Variants in UBR7 observed in about 807,000 individuals in gnomAD.
The protein encoded by UBR7 is ubiquitin protein ligase E3 component n-recognin 7.
In UBR7, 22 loss-of-function variants were observed where a neutral mutation model predicts 57.0. The ratio of observed to expected loss-of-function variants is 0.39; its 90% confidence interval spans 0.28 to 0.55. The LOEUF is 0.55. UBR7 is among the 20% of genes least tolerant of loss of function. The probability of loss-of-function intolerance (pLI) is 0.69; values close to 1 mark genes in which losing one functional copy is unlikely to be tolerated. For missense variants in UBR7, 395 were observed against 513.2 expected (o/e 0.77, Z 2.23); for synonymous variants, 167 against 179.8 (o/e 0.93, Z 0.57).
intron 4 of UBR7, among the ~76,000 whole-genome samples, chr14:93,212,726 C>G (rs976648988): frequency 9.2e-5 from 14 of 152,182 alleles, no homozygotes; most frequent in African/African-American, 3.1e-4. Context: ...ACCAGTATAT[C>G]ATAGACATTC....
At chr14:93,224,656 C>T (rs913910479) in intron 10 of UBR7, among the ~76,000 whole-genome samples, 13 of 152,206 alleles carry the variant, frequency 8.5e-5, no homozygotes, top group Admixed American at 3.3e-4. Flanking sequence ...GGATTACAGG[C>T]ATGAGCCACC....
rs1385502023 is a variant in UBR7, at chr14:93,222,216, CATT to C, written c.1124-92_1124-90del. On this transcript the variant is annotated intron_variant, in intron 9 of 10. Transcript: ENST00000013070. ...CTTAAGAAAATTTTTATTTAGACTA[CATT>C]ATTAACAGACTCAGGTGTCAATGGC... 44 of 831,770 alleles carry C rather than the reference CATT, an allele frequency of 5.3e-5. 1 individual carries two copies. The highest frequency in any genetic ancestry group is 4.0e-4 in the South Asian group (28 of 70,064). The allele number at this position is 831,770 out of a possible 1,614,324, so 51.5% of individuals were successfully genotyped here.
At chr14:93,215,874 A>G (rs1894580875) in intron 6 of UBR7, among the ~76,000 whole-genome samples, 2 of 152,152 alleles carry the variant, frequency 1.3e-5, no homozygotes, top group Admixed American at 6.6e-5. Flanking sequence ...TAGAACTGAA[A>G]TAAGTTGTTA....
At position 93,227,045 on chromosome 14, in the gene UBR7, T is replaced by G; in HGVS notation, c.*10T>G. 2 of 1,591,282 alleles carry G rather than the reference T, an allele frequency of 1.3e-6. No individual in the cohort carries two copies. Among genetic ancestry groups the G allele is most frequent in the South Asian group, 2.2e-5 (2 of 90,462 alleles). On this transcript the variant is annotated 3_prime_UTR_variant, in exon 11 of 11. Coordinates refer to ENST00000013070, the MANE Select transcript of UBR7 (RefSeq NM_175748.4). ...GTATTACTGCAGCTAGAGTGGAGTA[T>G]GAAGCTTTCTCATTCAAGCCAATGA... is the stretch of plus-strand genomic sequence containing the variant.
chr14:93,227,190 G>A lies in UBR7; in HGVS notation c.*155G>A, dbSNP rs1004174878. On this transcript the variant is annotated 3_prime_UTR_variant, in exon 11 of 11. Coordinates refer to ENST00000013070, the MANE Select transcript of UBR7 (RefSeq NM_175748.4). Reference sequence around the variant, plus strand: ...ATTCTCTTTAGCTGCAGTAGCCACCGTGTGGATGCTGACTTCACAGCCAGC... The same window carrying A: ...ATTCTCTTTAGCTGCAGTAGCCACCATGTGGATGCTGACTTCACAGCCAGC... 28 of 650,174 alleles carry A rather than the reference G, an allele frequency of 4.3e-5. No individual in the cohort carries two copies. Among genetic ancestry groups the A allele is most frequent in the East Asian group, 1.9e-4 (6 of 31,852 alleles). 40.3% of individuals were successfully genotyped at this position (650,174 alleles called of 1,614,324 possible). A position where few individuals can be genotyped will look rare whatever the true frequency, so the allele number is the denominator to read the frequency against.
In UBR7 at chr14:93,207,372, C is replaced by G; in HGVS notation, c.81C>G (p.Asp27Glu). 1.3e-6 allele frequency: 2 copies of G among 1,556,462 alleles called. No individual in the cohort carries two copies. The highest frequency in any genetic ancestry group is 1.2e-5 in the South Asian group (1 of 84,064). Reference sequence around the variant, plus strand: ...CGTTGGTCGACGTCCTTGAGGAGGACGAGGAGCTGGAGAATGAGGCGTGCG... The same window carrying G: ...CGTTGGTCGACGTCCTTGAGGAGGAGGAGGAGCTGGAGAATGAGGCGTGCG... ...VVSLVDVLEE[D>E]EELENEACAV... Residue 27 changes from aspartate (D) to glutamate (E), a missense_variant, in exon 1 of 11, where the codon GAC becomes GAG. Asp to Glu is a conservative substitution (Grantham distance 45, BLOSUM62 2). Transcript: ENST00000013070.
At chr14:93,225,962 C>T (rs575676276) in intron 10 of UBR7, among the ~76,000 whole-genome samples, 12 of 152,272 alleles carry the variant, frequency 7.9e-5, no homozygotes, top group African/African-American at 2.2e-4. Flanking sequence ...TGTAAATTCC[C>T]GTGCCATTTA....
In UBR7 at chr14:93,218,538, T is replaced by C. The variant is rs200300034; in HGVS notation, c.613T>C (p.Ser205Pro). The change falls in exon 7 of 11, where the codon TCC (serine) becomes CCC (proline). Residue 205 changes from serine (S) to proline (P), a missense_variant. Ser to Pro is a moderately conservative substitution (Grantham distance 74). Coordinates refer to ENST00000013070, the MANE Select transcript of UBR7 (RefSeq NM_175748.4). ...YAAQLAVTKI[S>P]TEDDGLVRNI... ...CTTTGAACTCACAGTAACCAAAATA[T>C]CCACTGAGGATGATGGATTGGTGCG... The C allele has an allele frequency of 6.8e-6, 11 of 1,613,982 alleles. No homozygotes were observed. The highest frequency in any genetic ancestry group is 8.5e-6 in the Non-Finnish European group (10 of 1,180,032).
At chr14:93,221,726 A>C (rs1051075320) in intron 9 of UBR7, among the ~76,000 whole-genome samples, 5 of 151,882 alleles carry the variant, frequency 3.3e-5, no homozygotes, top group Non-Finnish European at 5.9e-5. Flanking sequence ...TCACGCCTGT[A>C]ATCCCAGCAC....
At chr14:93,226,910 T>C (rs779517698) in intron 10 of UBR7, 33 bp from the exon 11 acceptor site, 9 of 1,518,764 alleles carry the variant, frequency 5.9e-6, no homozygotes, top group Non-Finnish European at 8.2e-6. Context: ...TGTTACTTAG[T>C]TCTCTTTCAT....
intron 10 of UBR7, 78 bp downstream of exon 10, chr14:93,222,452 T>G: frequency 1.8e-6 from 2 of 1,121,784 alleles, no homozygotes; most frequent in Non-Finnish European, 2.7e-6. Flanking sequence ...CGATTAAAAA[T>G]GACTGCGACT....
At chr14:93,211,736 C>G (rs1053212510) in intron 3 of UBR7, among the ~76,000 whole-genome samples, 6 of 151,810 alleles carry the variant, frequency 4.0e-5, no homozygotes, top group African/African-American at 1.5e-4. Context: ...AATATCAGTT[C>G]ACATAGATTG....
At chr14:93,223,577 A>G (rs1894759668) in intron 10 of UBR7, 1 of 860,114 alleles carries the variant, frequency 1.2e-6, no homozygotes, top group East Asian at 2.6e-5. Context: ...TTTGGGGCAC[A>G]CCCGGGCGAG....
intron 1 of UBR7, among the ~76,000 whole-genome samples, chr14:93,208,791 C>G (rs1395748842): frequency 6.6e-6 from 1 of 152,014 alleles, no homozygotes; most frequent in Admixed American, 6.6e-5. Flanking sequence ...ACCTCTTATA[C>G]ATATTCACTT....
chr14:93,224,701 T>A (rs1894809859), intron 10 of UBR7, among the ~76,000 whole-genome samples: 1 of 152,164 alleles, frequency 6.6e-6, no homozygotes, highest in African/African-American at 2.4e-5. Context: ...TAAAACTTAA[T>A]GTAGTTATTC....
chr14:93,219,365 A>AATT lies in UBR7; in HGVS notation c.960+5_960+6insTTA, dbSNP rs755234008. 6.2e-7 allele frequency: 1 copy of AATT among 1,614,172 alleles called. No individual in the cohort carries two copies. The highest frequency in any genetic ancestry group is 8.5e-7 in the Non-Finnish European group (1 of 1,180,022). ...GTGTACCTGCCAAGACTGTATGGTA[A>AATT]AGTATCTGATTGTGCTCAGTGTTAG... is the stretch of plus-strand genomic sequence containing the variant. On this transcript the variant is annotated splice_donor_region_variant and intron_variant, in intron 8 of 10. Coordinates refer to ENST00000013070, the MANE Select transcript of UBR7 (RefSeq NM_175748.4).
rs1476470801 is a variant in UBR7 at position 93,227,703 on chromosome 14, GA to G, written c.*670del. On this transcript the variant is annotated 3_prime_UTR_variant, in exon 11 of 11. Coordinates refer to ENST00000013070, the MANE Select transcript of UBR7 (RefSeq NM_175748.4). Reference sequence around the variant, plus strand: ...GGTTGAGGAAGCAAGCCTTTGTTATGAATTTTACTAATACAGTTCAAGTGAA... The same window carrying G: ...GGTTGAGGAAGCAAGCCTTTGTTATGATTTTACTAATACAGTTCAAGTGAA... 1.4e-6 allele frequency: 1 copy of G among 700,824 alleles called. No homozygotes were observed. Among genetic ancestry groups the G allele is most frequent in the East Asian group, 2.7e-5 (1 of 37,292 alleles). The allele number at this position is 700,824 out of a possible 1,614,324, so 43.4% of individuals were successfully genotyped here.
At chr14:93,217,604 A>G (rs1894616629) in intron 6 of UBR7, among the ~76,000 whole-genome samples, 2 of 152,218 alleles carry the variant, frequency 1.3e-5, no homozygotes, top group Non-Finnish European at 2.9e-5. Context: ...TCTAACAAGT[A>G]CAGTACAATA....
intron 10 of UBR7, chr14:93,224,156 T>G: frequency 1.6e-5 from 10 of 628,820 alleles, no homozygotes; most frequent in Non-Finnish European, 2.8e-6. Flanking sequence ...CTCTCCGCGC[T>G]CGCCACCACC....
Sources: allele counts gnomAD v4.1 joint callset (sites outside exome capture counted in the v4.1 genomes callset), GRCh38; gene constraint gnomAD v4.1.1; transcripts MANE v1.5; gene names NCBI Gene and HGNC (gene_info 2026-07-23, HGNC 2026-07-21).